MGAT4C: variants seen among roughly 807,000 people sequenced by gnomAD.
MGAT4C encodes MGAT4 family member C, also known as alpha-1,3-mannosyl-glycoprotein 4-beta-N-acetylglucosaminyltransferase C.
A neutral mutation model predicts 40.1 loss-of-function variants in MGAT4C; 19 were observed. The ratio of observed to expected loss-of-function variants is 0.47; its 90% CI spans 0.33 to 0.70. The LOEUF (loss-of-function observed/expected upper bound fraction) is 0.70, where lower values mean the gene tolerates loss of function less well. MGAT4C is among the 30% of genes least tolerant of loss of function. The pLI is 0.02. For synonymous variants in MGAT4C, 181 were observed against 187.1 expected (o/e 0.97, Z 0.27); for missense variants, 491 against 563.2 (o/e 0.87, Z 1.30).
chr12:86,201,406 A>C (rs1226199134), intron 1 of MGAT4C, among the ~76,000 whole-genome samples: 1 of 150,850 alleles, frequency 6.6e-6, no homozygotes, highest in Admixed American at 6.6e-5. Context: ...TAATGAAGCT[A>C]TATTATAAGC....
At chr12:86,727,372 G>T (rs1950839214) in intron 1 of MGAT4C, 1 of 152,094 alleles carries the variant, frequency 6.6e-6, no homozygotes, top group African/African-American at 2.4e-5. Context: ...AGTGGTGGTA[G>T]TAGAGGAGTG....
intron 2 of MGAT4C, among the ~76,000 whole-genome samples, chr12:86,654,341 G>GT (rs1565906403): frequency 4.8e-4 from 51 of 106,596 alleles, no homozygotes; most frequent in African/African-American, 1.3e-3. Flanking sequence ...AAGTTTGTGG[G>GT]GTTTTTTTTT....
At chr12:86,594,533 T>C (rs950510333) in intron 2 of MGAT4C, among the ~76,000 whole-genome samples, 2 of 152,190 alleles carry the variant, frequency 1.3e-5, no homozygotes, top group African/African-American at 4.8e-5. Flanking sequence ...TACATTATGT[T>C]TTTATATTAG....
chr12:86,521,092 T>C (rs1376426039), intron 2 of MGAT4C, among the ~76,000 whole-genome samples: 1 of 152,178 alleles, frequency 6.6e-6, no homozygotes, highest in Non-Finnish European at 1.5e-5. Context: ...CATTTGTCAA[T>C]TTTTGCTTTT....
At chr12:86,351,642 A>T (rs1007212018) in intron 3 of MGAT4C, among the ~76,000 whole-genome samples, 1 of 152,174 alleles carries the variant, frequency 6.6e-6, no homozygotes, top group South Asian at 2.1e-4. Context: ...GAATAAAATC[A>T]AATGAAGAAT....
At position 86,120,946 on chromosome 12, in the gene MGAT4C, C is replaced by T. The variant is rs150144910; in HGVS notation, c.-56-71223G>A. 6.8e-3 allele frequency among the ~76,000 whole-genome samples: 1,034 copies of T among 152,172 alleles called. 6 individuals are homozygous for T. Among genetic ancestry groups the T allele is most frequent in the Admixed American group, 0.014 (208 of 15,274 alleles). On this transcript the variant is annotated intron_variant, in intron 1 of 4. Coordinates refer to ENST00000611864, the MANE Select transcript of MGAT4C (RefSeq NM_001351288.2). ...GACGATCAGTAGTAACAAACTTCTC[C>T]GAGCTAAAGGAGGATGTTTGAACCC...
At chr12:86,225,391 C>T (rs1175384339) in intron 1 of MGAT4C, among the ~76,000 whole-genome samples, 1 of 152,032 alleles carries the variant, frequency 6.6e-6, no homozygotes, top group Non-Finnish European at 1.5e-5. Context: ...ATCAATCTTC[C>T]TGAAACTATT....
Position 86,377,091 on chromosome 12 carries a change from G to A in MGAT4C, c.-119-42964C>T, listed in dbSNP as rs541221331. ...TTTTTTTTTTTTGACATGGAGTTTC[G>A]CTCTTGTTGCCCAGGCTAGAGTGCA... On this transcript the variant is annotated intron_variant, in intron 3 of 7. Transcript: ENST00000548651. Among the ~76,000 whole-genome samples, 5 of 132,346 alleles carry A rather than the reference G, an allele frequency of 3.8e-5. No homozygotes were observed. In the East Asian group the frequency reaches 6.5e-4, roughly 17 times the overall value. The allele number at this position is 132,346 out of a possible 152,430, so 86.8% of individuals were successfully genotyped here.
At chr12:86,136,426 C>T (rs61932269) in intron 1 of MGAT4C, among the ~76,000 whole-genome samples, 12,210 of 151,980 alleles carry the variant, frequency 0.08, 674 homozygotes, top group Middle Eastern at 0.22. Context: ...GGGGTGGTGA[C>T]GTGGAGGACA....
chr12:86,285,010 CTCA>C (rs746402701), intron 4 of MGAT4C, among the ~76,000 whole-genome samples: 64 of 151,876 alleles, frequency 4.2e-4, no homozygotes, highest in Non-Finnish European at 8.0e-4. Context: ...TTCATTTGTG[CTCA>C]TATTTTTTAC....
intron 2 of MGAT4C, among the ~76,000 whole-genome samples, chr12:86,700,779 A>G (rs1950348245): frequency 6.6e-6 from 1 of 152,158 alleles, no homozygotes; most frequent in African/African-American, 2.4e-5. Flanking sequence ...AAAGACCAAT[A>G]TTGCTTAGTA....
At chr12:86,530,994 T>C (rs1342284520) in intron 2 of MGAT4C, among the ~76,000 whole-genome samples, 1 of 152,038 alleles carries the variant, frequency 6.6e-6, no homozygotes, top group Non-Finnish European at 1.5e-5. Flanking sequence ...ATAATACACA[T>C]GCTTAATTGA....
chr12:85,965,751 C>A lies in MGAT4C; in HGVS notation c.*13538G>T, dbSNP rs1883334210. On this transcript the variant is annotated 3_prime_UTR_variant, in exon 5 of 5. Coordinates refer to ENST00000611864, the MANE Select transcript of MGAT4C (RefSeq NM_001351288.2). ...CTAGCTTCTAAATGATTAGAAATTT[C>A]AGCTTTGGTTTAACTTAAAAACTTA... 1 of 152,116 alleles carries A rather than the reference C, an allele frequency of 6.6e-6. No individual in the cohort carries two copies. The highest frequency in any genetic ancestry group is 2.4e-5 in the African/African-American group (1 of 41,500). The allele number at this position is 152,116 out of a possible 1,614,324, so 9.4% of individuals were successfully genotyped here. A position where few individuals can be genotyped will look rare whatever the true frequency, so the allele number is the denominator to read the frequency against.
At chr12:86,812,695 T>C (rs1211395222) in intron 1 of MGAT4C, among the ~76,000 whole-genome samples, 2 of 152,096 alleles carry the variant, frequency 1.3e-5, no homozygotes, top group African/African-American at 4.8e-5. Context: ...AGCCTACCTA[T>C]GTTGTTGAAT....
intron 1 of MGAT4C, among the ~76,000 whole-genome samples, chr12:86,814,258 A>G (rs919358046): frequency 7.0e-6 from 1 of 142,516 alleles, no homozygotes; most frequent in Admixed American, 7.3e-5. Flanking sequence ...ATATATACAC[A>G]TATATATACA....
At chr12:86,757,304 G>A (rs1254203826) in intron 1 of MGAT4C, among the ~76,000 whole-genome samples, 1 of 152,014 alleles carries the variant, frequency 6.6e-6, no homozygotes, top group Non-Finnish European at 1.5e-5. Flanking sequence ...ATCATGCCAC[G>A]TGTATACCTA....
chr12:86,073,492 A>C (rs1303871743), intron 1 of MGAT4C, among the ~76,000 whole-genome samples: 1 of 152,192 alleles, frequency 6.6e-6, no homozygotes, highest in Non-Finnish European at 1.5e-5. Context: ...AAAATGTGGG[A>C]AAGTTTGGAG....
At chr12:86,089,752 A>G (rs532145526) in intron 1 of MGAT4C, among the ~76,000 whole-genome samples, 6 of 151,262 alleles carry the variant, frequency 4.0e-5, no homozygotes, top group African/African-American at 1.2e-4. Flanking sequence ...ACATTTTGCC[A>G]TTTTGCTTTA....
At chr12:86,260,889 T>C (rs1952644349), upstream of MGAT4C, among the ~76,000 whole-genome samples, 3 of 152,108 alleles carry the variant, frequency 2.0e-5, no homozygotes, top group South Asian at 6.2e-4. Flanking sequence ...ATTATATTTT[T>C]ATATAATAAA....
Sources: gnomAD v4.1 joint callset for allele counts (sites outside exome capture counted in the v4.1 genomes callset) on GRCh38, gnomAD v4.1.1 for gene constraint, MANE v1.5 for transcripts, NCBI Gene and HGNC (gene_info 2026-07-23, HGNC 2026-07-21) for gene names.